CDS1: variants seen among roughly 807,000 people sequenced by gnomAD.
CDS1 encodes the protein CDP-diacylglycerol synthase 1, also known as phosphatidate cytidylyltransferase 1.
CDS1 carries 41 observed loss-of-function variants against 62.1 expected under a neutral mutation model. The ratio of observed to expected loss-of-function variants is 0.66; its 90% CI spans 0.51 to 0.86. The LOEUF (loss-of-function observed/expected upper bound fraction) is 0.86, where lower values mean the gene tolerates loss of function less well. CDS1 is among the 40% of genes least tolerant of loss of function. The pLI is 0.00. For missense variants in CDS1, 470 were observed against 550.1 expected (o/e 0.85, Z 1.46); for synonymous variants, 185 against 192.6 (o/e 0.96, Z 0.32).
At chr4:84,633,100 G>A (rs1407764147) in intron 6 of CDS1, among the ~76,000 whole-genome samples, 1 of 152,156 alleles carries the variant, frequency 6.6e-6, no homozygotes, top group Non-Finnish European at 1.5e-5. Flanking sequence ...CTCCAGCCTG[G>A]GTGACAGAGT....
chr4:84,648,593 G>A lies in CDS1; in HGVS notation c.1293G>A (p.Leu431=), dbSNP rs374658564. 6.2e-7 allele frequency: 1 copy of A among 1,613,590 alleles called. No homozygotes were observed. The highest frequency in any genetic ancestry group is 1.3e-5 in the African/African-American group (1 of 74,894). The change falls in exon 13 of 13, where the codon TTG becomes TTA. Residue 431 remains leucine (L), a synonymous_variant. Transcript: ENST00000295887. ...PNPSKVLQQL[L]VLQPEQQLNI... is the part of the protein sequence containing the mutation. ...CCAGCAAAGTGCTACAGCAGTTGTT[G>A]GTGCTTCAACCTGAACAGCAGTTAA...
chr4:84,631,045 G>A (rs1273443471), intron 5 of CDS1, among the ~76,000 whole-genome samples: 2 of 152,098 alleles, frequency 1.3e-5, no homozygotes, highest in Non-Finnish European at 2.9e-5. Flanking sequence ...TTTGTAAAAT[G>A]TAAACATAAA....
chr4:84,594,612 T>C (rs1722693558), intron 1 of CDS1, among the ~76,000 whole-genome samples: 1 of 152,290 alleles, frequency 6.6e-6, no homozygotes, highest in Non-Finnish European at 1.5e-5. Flanking sequence ...AGTCTCAATA[T>C]TAGTTTTAAA....
chr4:84,599,344 G>T (rs1439941762), intron 1 of CDS1, among the ~76,000 whole-genome samples: 4 of 141,460 alleles, frequency 2.8e-5, no homozygotes, highest in African/African-American at 1.1e-4. Flanking sequence ...TTGTTTTTTG[G>T]CAGGGACAGA....
chr4:84,644,684 A>G (rs577096504), intron 11 of CDS1, among the ~76,000 whole-genome samples: 15 of 152,192 alleles, frequency 9.9e-5, no homozygotes, highest in Non-Finnish European at 1.6e-4. Flanking sequence ...CAGTGTGGCC[A>G]TTTAATGGAC....
intron 1 of CDS1, among the ~76,000 whole-genome samples, chr4:84,591,464 CTT>C (rs771779741): frequency 1.2e-4 from 18 of 152,092 alleles, no homozygotes; most frequent in Non-Finnish European, 1.6e-4. Flanking sequence ...TTTTTATACT[CTT>C]TGAGAAAAGA....
At chr4:84,645,951 G>A (rs116689028) in intron 12 of CDS1, among the ~76,000 whole-genome samples, 166 of 152,228 alleles carry the variant, frequency 1.1e-3, no homozygotes, top group African/African-American at 3.9e-3. Flanking sequence ...TAGAAAGGGT[G>A]GTTTATTCTT....
chr4:84,603,485 C>A (rs1722998358), intron 1 of CDS1, among the ~76,000 whole-genome samples: 1 of 152,108 alleles, frequency 6.6e-6, no homozygotes, highest in South Asian at 2.1e-4. Flanking sequence ...TGGAGACTTA[C>A]AGCAGAATGA....
chr4:84,633,508 C>G (rs1724086523), intron 6 of CDS1, among the ~76,000 whole-genome samples: 1 of 152,000 alleles, frequency 6.6e-6, no homozygotes, highest in Non-Finnish European at 1.5e-5. Flanking sequence ...TAAAATGTTC[C>G]CCTTTAAATG....
Position 84,624,283 on chromosome 4 carries a change from A to AC in CDS1, c.580+4750_580+4751insC, listed in dbSNP as rs1186919973. On this transcript the variant is annotated intron_variant, in intron 5 of 12. Coordinates refer to ENST00000295887, the MANE Select transcript of CDS1 (RefSeq NM_001263.4). ...AGCAAGACTCTGTCTCAAAAAAAAA[A>AC]AAACAAACAAAAAAAAAAAAACTAG... Among the ~76,000 whole-genome samples, 183 of 143,836 alleles carry AC rather than the reference A, an allele frequency of 1.3e-3. 3 individuals are homozygous for AC. The highest frequency in any genetic ancestry group is 2.7e-3 in the African/African-American group (104 of 37,978). 94.4% of individuals were successfully genotyped at this position (143,836 alleles called of 152,430 possible).
intron 5 of CDS1, among the ~76,000 whole-genome samples, chr4:84,625,184 C>A (rs1305159732): frequency 6.6e-6 from 1 of 151,938 alleles, no homozygotes; most frequent in African/African-American, 2.4e-5. Context: ...TTTTTCTAAC[C>A]GTATACTTAT....
intron 2 of CDS1, among the ~76,000 whole-genome samples, chr4:84,606,226 A>G: frequency 6.6e-6 from 1 of 152,136 alleles, no homozygotes; most frequent in East Asian, 1.9e-4. Flanking sequence ...TGCAGAAAAA[A>G]AAATCCTGTA....
chr4:84,631,071 T>C (rs1331890008), intron 5 of CDS1, among the ~76,000 whole-genome samples: 5 of 152,250 alleles, frequency 3.3e-5, no homozygotes, highest in Non-Finnish European at 5.9e-5. Flanking sequence ...ATACTGTTTG[T>C]AAATCTTTAC....
At chr4:84,615,660 C>G (rs1252165848) in intron 3 of CDS1, among the ~76,000 whole-genome samples, 1 of 152,152 alleles carries the variant, frequency 6.6e-6, no homozygotes, top group Non-Finnish European at 1.5e-5. Flanking sequence ...GTCGTGTTTC[C>G]TCCCTGAGAG....
At position 84,648,690 on chromosome 4, in the gene CDS1, G is replaced by T. The variant is rs781316494; in HGVS notation, c.*4G>T. On this transcript the variant is annotated 3_prime_UTR_variant, in exon 13 of 13. Transcript: ENST00000295887. ...ACAACCCACCTTGAAGGTATAACTG[G>T]ATCCAGAGAGGGAAGGACTGACAAG... is the stretch of plus-strand genomic sequence containing the variant. The T allele has an allele frequency of 6.2e-7, 1 of 1,608,136 alleles. No individual in the cohort carries two copies. Among genetic ancestry groups the T allele is most frequent in the Non-Finnish European group, 8.5e-7 (1 of 1,177,232 alleles).
intron 1 of CDS1, among the ~76,000 whole-genome samples, chr4:84,590,401 G>A (rs1303185131): frequency 6.6e-6 from 1 of 152,186 alleles, no homozygotes; most frequent in Admixed American, 6.5e-5. Context: ...TGCGGGTTAG[G>A]AATGGTAGTT....
At chr4:84,617,277 A>G (rs376134028) in intron 3 of CDS1, among the ~76,000 whole-genome samples, 1 of 152,172 alleles carries the variant, frequency 6.6e-6, no homozygotes, top group African/African-American at 2.4e-5. Context: ...ATCCTAGTCA[A>G]CTGCGGCCAA....
intron 5 of CDS1, among the ~76,000 whole-genome samples, chr4:84,628,740 G>A (rs935724571): frequency 6.6e-6 from 1 of 152,094 alleles, no homozygotes; most frequent in Non-Finnish European, 1.5e-5. Context: ...CTGCTGTGTT[G>A]CACAGGCTGG....
rs1214957051 is a variant in CDS1, at chr4:84,635,574, T to TCTGCCTGCCTGCCTGC, written c.810+262_810+277dup. 5.0e-3 allele frequency among the ~76,000 whole-genome samples: 515 copies of TCTGCCTGCCTGCCTGC among 102,012 alleles called. 34 individuals carry two copies. Among genetic ancestry groups the TCTGCCTGCCTGCCTGC allele is most frequent in the African/African-American group, 9.4e-3 (225 of 23,954 alleles). The allele number at this position is 102,012 out of a possible 152,430, so 66.9% of individuals were successfully genotyped here. A position where few individuals can be genotyped will look rare whatever the true frequency, so the allele number is the denominator to read the frequency against. On this transcript the variant is annotated intron_variant, in intron 8 of 12. Transcript: ENST00000295887. The stretch of plus-strand genomic sequence containing the variant: ...CTCAGGAAGGGCATGACTCCATCAG[T>TCTGCCTGCCTGCCTGC]CTGCCTGCCTGCCTGCCTGCCTGCC...
Sources: gnomAD v4.1 joint callset for allele counts (sites outside exome capture counted in the v4.1 genomes callset) on GRCh38, gnomAD v4.1.1 for gene constraint, MANE v1.5 for transcripts, NCBI Gene and HGNC (gene_info 2026-07-23, HGNC 2026-07-21) for gene names.